MARCHF1: variants seen among roughly 807,000 people sequenced by gnomAD.
MARCHF1 encodes the protein E3 ubiquitin-protein ligase MARCHF1.
MARCHF1 carries 40 observed loss-of-function variants against 54.2 expected under a neutral mutation model. That is an observed-to-expected ratio of 0.74 (90% CI 0.57 to 0.96). The LOEUF is 0.96. MARCHF1 is among the 40% of genes least tolerant of loss of function. The pLI is 0.00. For missense variants in MARCHF1, 586 were observed against 656.5 expected, an observed-to-expected ratio of 0.89 and a Z score of 1.17; for synonymous variants, 236 against 236.3, an observed-to-expected ratio of 1.00 and a Z score of 0.01.
intron 1 of MARCHF1, among the ~76,000 whole-genome samples, chr4:164,173,563 TG>T (rs1388587070): frequency 6.6e-6 from 1 of 152,182 alleles, no homozygotes; most frequent in Non-Finnish European, 1.5e-5. Context: ...GGGAGGTGTT[TG>T]GGTCATGGGG....
At chr4:164,278,501 A>G (rs969539582) in intron 1 of MARCHF1, among the ~76,000 whole-genome samples, 2 of 152,238 alleles carry the variant, frequency 1.3e-5, no homozygotes, top group African/African-American at 2.4e-5. Flanking sequence ...CAAATACTAA[A>G]GTAATTTCTA....
chr4:163,736,929 A>AGT (rs969936010), intron 4 of MARCHF1, among the ~76,000 whole-genome samples: 6 of 152,094 alleles, frequency 3.9e-5, no homozygotes, highest in Non-Finnish European at 8.8e-5. Flanking sequence ...TTAATACTCC[A>AGT]AAGTGAAAAG....
intron 1 of MARCHF1, among the ~76,000 whole-genome samples, chr4:164,338,207 A>G (rs1167866719): frequency 1.3e-5 from 2 of 152,192 alleles, no homozygotes; most frequent in East Asian, 3.8e-4. Context: ...TAACTTATAG[A>G]CTATTATAAT....
intron 2 of MARCHF1, among the ~76,000 whole-genome samples, chr4:164,059,421 T>C (rs1246549505): frequency 6.6e-6 from 1 of 152,164 alleles, no homozygotes; most frequent in Non-Finnish European, 1.5e-5. Flanking sequence ...TTTGATAAAG[T>C]TCTAGTCCTT....
intron 1 of MARCHF1, among the ~76,000 whole-genome samples, chr4:164,178,142 C>G (rs1203374958): frequency 6.6e-6 from 1 of 152,178 alleles, no homozygotes; most frequent in East Asian, 1.9e-4. Context: ...GTACATATAT[C>G]TAAATTCAAA....
At position 163,943,748 on chromosome 4, in the gene MARCHF1, T is replaced by TAA. The variant is rs5863641; in HGVS notation, c.-39+44751_-39+44752dup. On this transcript the variant is annotated intron_variant, in intron 3 of 9. Coordinates refer to ENST00000514618, the MANE Select transcript of MARCHF1 (RefSeq NM_001394959.1). ...GTCCCTCTGAACTTAAAATAGAAGT[T>TAA]AAAAAAAAAAAAAAAAAAAAAAGAC... 3.2e-3 allele frequency among the ~76,000 whole-genome samples: 389 copies of TAA among 123,476 alleles called. 7 individuals carry two copies. The highest frequency in any genetic ancestry group is 0.011 in the African/African-American group (356 of 32,998). The allele number at this position is 123,476 out of a possible 152,430, so 81.0% of individuals were successfully genotyped here.
intron 3 of MARCHF1, among the ~76,000 whole-genome samples, chr4:163,919,967 A>T (rs1450361117): frequency 1.3e-5 from 2 of 152,200 alleles, no homozygotes; most frequent in Non-Finnish European, 2.9e-5. Flanking sequence ...ATTAGAGTGT[A>T]ATCTTGGTAG....
At chr4:163,944,216 T>G (rs560493921) in intron 3 of MARCHF1, among the ~76,000 whole-genome samples, 1 of 150,200 alleles carries the variant, frequency 6.7e-6, no homozygotes, top group East Asian at 2.0e-4. Context: ...TCTCCTGACC[T>G]CGTGATCCAC....
intron 2 of MARCHF1, among the ~76,000 whole-genome samples, chr4:164,001,746 T>C (rs1753190172): frequency 6.6e-6 from 1 of 151,778 alleles, no homozygotes; most frequent in African/African-American, 2.4e-5. Flanking sequence ...TAGAGATGGA[T>C]GGAATTTACA....
At chr4:164,332,233 C>G (rs1342870589) in intron 1 of MARCHF1, among the ~76,000 whole-genome samples, 1 of 152,190 alleles carries the variant, frequency 6.6e-6, no homozygotes, top group African/African-American at 2.4e-5. Flanking sequence ...CACCTAGACA[C>G]ACAAGTGACT....
chr4:164,243,492 G>A (rs534680709), intron 1 of MARCHF1, among the ~76,000 whole-genome samples: 49 of 152,064 alleles, frequency 3.2e-4, no homozygotes, highest in African/African-American at 8.2e-4. Flanking sequence ...AGTACCAGCC[G>A]CTGCAAAATC....
chr4:164,368,479 C>T (rs987957858), intron 1 of MARCHF1, among the ~76,000 whole-genome samples: 3 of 152,052 alleles, frequency 2.0e-5, no homozygotes, highest in Non-Finnish European at 4.4e-5. Context: ...TCCAATCATA[C>T]AAGCTTTTCC....
At chr4:164,144,572 C>T (rs149000780) in intron 1 of MARCHF1, among the ~76,000 whole-genome samples, 57,531 of 150,948 alleles carry the variant, frequency 0.38, 12,218 homozygotes, top group Non-Finnish European at 0.49. Flanking sequence ...TGAATGACTA[C>T]TGGGTACATA....
chr4:164,311,208 T>C (rs1046394054), intron 1 of MARCHF1, among the ~76,000 whole-genome samples: 2 of 152,166 alleles, frequency 1.3e-5, no homozygotes, highest in African/African-American at 4.8e-5. Flanking sequence ...TACTGATCTA[T>C]TGTTAGGATG....
chr4:163,912,964 G>T (rs975405383), intron 3 of MARCHF1, among the ~76,000 whole-genome samples: 2 of 152,056 alleles, frequency 1.3e-5, no homozygotes, highest in African/African-American at 2.4e-5. Context: ...TCACAGAAAG[G>T]CTCTTCCTAG....
At chr4:164,373,935 A>G (rs1731112560) in intron 1 of MARCHF1, among the ~76,000 whole-genome samples, 1 of 152,258 alleles carries the variant, frequency 6.6e-6, no homozygotes, top group Non-Finnish European at 1.5e-5. Flanking sequence ...AACACACAGA[A>G]GTAAAATTTG....
intron 1 of MARCHF1, among the ~76,000 whole-genome samples, chr4:164,146,871 T>C (rs1244206044): frequency 1.3e-5 from 2 of 150,512 alleles, no homozygotes; most frequent in Non-Finnish European, 3.0e-5. Flanking sequence ...GAAACTACCA[T>C]CAGAGTGAAC....
chr4:164,190,132 C>T, intron 1 of MARCHF1: 1 of 1,539,076 alleles, frequency 6.5e-7, no homozygotes, highest in Non-Finnish European at 8.8e-7. Flanking sequence ...GGTAAACTTT[C>T]CTCTGAAGAT....
intron 1 of MARCHF1, among the ~76,000 whole-genome samples, chr4:164,139,874 TAAAC>T (rs1465572432): frequency 6.6e-6 from 1 of 152,168 alleles, no homozygotes; most frequent in Non-Finnish European, 1.5e-5. Context: ...ATAGAGATAT[TAAAC>T]AAACAAAAAT....
Sources: gnomAD v4.1 joint callset for allele counts (sites outside exome capture counted in the v4.1 genomes callset) on GRCh38, gnomAD v4.1.1 for gene constraint, MANE v1.5 for transcripts, NCBI Gene and HGNC (gene_info 2026-07-23, HGNC 2026-07-21) for gene names.